Variants in SYNPO2 observed in about 807,000 individuals in gnomAD.
SYNPO2 encodes the protein synaptopodin-2.
Under a neutral mutation model 85.0 loss-of-function variants are expected in SYNPO2, and 56 were observed. The observed-to-expected ratio is 0.66, with a 90% CI of 0.53 to 0.82. The LOEUF (loss-of-function observed/expected upper bound fraction) is 0.82, where lower values mean the gene tolerates loss of function less well. SYNPO2 is among the 40% of genes least tolerant of loss of function. SYNPO2 has a pLI of 0.00. For synonymous variants in SYNPO2, 602 were observed against 591.1 expected, an observed-to-expected ratio of 1.02 and a Z score of -0.27; for missense variants, 1,575 against 1,534.2, an observed-to-expected ratio of 1.03 and a Z score of -0.44.
intron 1 of SYNPO2, among the ~76,000 whole-genome samples, chr4:118,948,396 A>G (rs1051323845): frequency 1.6e-4 from 25 of 152,228 alleles, no homozygotes; most frequent in Admixed American, 7.8e-4. Context: ...TGTAGTGTGA[A>G]AGAATCAATG....
At position 119,007,262 on chromosome 4, in the gene SYNPO2, A is replaced by ATATG. The variant is rs1553945969; in HGVS notation, c.106-16165_106-16164insGTAT. On this transcript the variant is annotated intron_variant, in intron 1 of 4. Coordinates refer to ENST00000307142, the MANE Select transcript of SYNPO2 (RefSeq NM_133477.3). ...TATATATATGTATATACATATATATATATATATATATATGTATATACATAT... is the reference window on the plus strand; with the variant it reads ...TATATATATGTATATACATATATATATATGTATATATATATATGTATATACATAT... 2.0e-4 allele frequency among the ~76,000 whole-genome samples: 15 copies of ATATG among 73,622 alleles called. No homozygotes were observed. In the East Asian group the frequency reaches 5.5e-3, roughly 27 times the overall value. 48.3% of individuals were successfully genotyped at this position (73,622 alleles called of 152,430 possible).
chr4:118,917,308 T>C (rs1733372710), intron 1 of SYNPO2, among the ~76,000 whole-genome samples: 1 of 152,096 alleles, frequency 6.6e-6, no homozygotes, highest in Non-Finnish European at 1.5e-5. Flanking sequence ...GGAGAATCGC[T>C]TGAACCCAGG....
At chr4:118,961,841 C>A (rs906451986) in intron 1 of SYNPO2, among the ~76,000 whole-genome samples, 10 of 152,126 alleles carry the variant, frequency 6.6e-5, no homozygotes, top group African/African-American at 2.4e-4. Context: ...CAATGTATCA[C>A]CAGGAAGGCA....
At chr4:119,037,103 C>T in intron 4 of SYNPO2, 2 of 1,536,140 alleles carry the variant, frequency 1.3e-6, no homozygotes, top group Non-Finnish European at 1.8e-6. Flanking sequence ...TATGTGTGCT[C>T]TGTGACAGGT....
At chr4:118,968,935 T>C (rs1265639705) in intron 1 of SYNPO2, among the ~76,000 whole-genome samples, 1 of 152,188 alleles carries the variant, frequency 6.6e-6, no homozygotes, top group Non-Finnish European at 1.5e-5. Flanking sequence ...CTAAGTATTA[T>C]GAAATATAGC....
intron 1 of SYNPO2, among the ~76,000 whole-genome samples, chr4:119,007,402 A>C (rs1196367621): frequency 1.3e-5 from 2 of 148,588 alleles, no homozygotes; most frequent in Non-Finnish European, 3.0e-5. Flanking sequence ...AAACAAAAAC[A>C]AAAAACAAAC....
At chr4:118,939,098 C>T (rs952297507) in intron 1 of SYNPO2, among the ~76,000 whole-genome samples, 3 of 151,966 alleles carry the variant, frequency 2.0e-5, no homozygotes, top group East Asian at 1.9e-4. Flanking sequence ...AATGAGGCAC[C>T]GAATTTAAAA....
chr4:118,862,120 A>T (rs1731621765), intron 1 of SYNPO2, among the ~76,000 whole-genome samples: 1 of 151,968 alleles, frequency 6.6e-6, no homozygotes, highest in East Asian at 1.9e-4. Context: ...TATTTTCTTG[A>T]TTTCTTTTTC....
chr4:118,961,108 C>CCG (rs1735071856), intron 1 of SYNPO2, among the ~76,000 whole-genome samples: 2 of 120,340 alleles, frequency 1.7e-5, no homozygotes, highest in South Asian at 6.9e-4. Context: ...CGCCCCCCCC[C>CCG]CACCCCTCCA....
upstream of SYNPO2, among the ~76,000 whole-genome samples, chr4:118,885,971 C>G (rs1732192435): frequency 1.3e-5 from 2 of 152,194 alleles, no homozygotes; most frequent in African/African-American, 4.8e-5. Flanking sequence ...AAGAGAAACA[C>G]TAATACCTAT....
chr4:118,909,781 A>T (rs540467895), intron 1 of SYNPO2, among the ~76,000 whole-genome samples: 20 of 152,310 alleles, frequency 1.3e-4, no homozygotes, highest in Non-Finnish European at 2.8e-4. Context: ...GAGCATTGCC[A>T]TTACACTTAT....
chr4:118,914,312 C>A (rs1403772963), intron 1 of SYNPO2, among the ~76,000 whole-genome samples: 1 of 151,910 alleles, frequency 6.6e-6, no homozygotes, highest in Non-Finnish European at 1.5e-5. Flanking sequence ...ATGGCCAGGG[C>A]TAGAGGAAAT....
At chr4:118,996,190 C>T (rs113416898) in intron 1 of SYNPO2, among the ~76,000 whole-genome samples, 2 of 152,252 alleles carry the variant, frequency 1.3e-5, no homozygotes, top group African/African-American at 4.8e-5. Flanking sequence ...GGTCATTTCA[C>T]GCTTTTGCCT....
chr4:119,002,090 A>G (rs556171062), intron 1 of SYNPO2, among the ~76,000 whole-genome samples: 1 of 152,316 alleles, frequency 6.6e-6, no homozygotes, highest in East Asian at 1.9e-4. Flanking sequence ...GCCAGGTAGT[A>G]TGTTAGGAAT....
intron 1 of SYNPO2, among the ~76,000 whole-genome samples, chr4:118,861,706 T>C (rs1320885959): frequency 1.3e-5 from 2 of 152,224 alleles, no homozygotes; most frequent in African/African-American, 4.8e-5. Flanking sequence ...TGTATGTGTC[T>C]ATTTTTGTGC....
chr4:118,852,163 A>G (rs1731430757), intron 1 of SYNPO2, among the ~76,000 whole-genome samples: 3 of 152,248 alleles, frequency 2.0e-5, no homozygotes, highest in Admixed American at 2.0e-4. Flanking sequence ...AATCAAAACC[A>G]CAATGAGCTG....
chr4:118,969,165 C>A (rs1735432045), intron 1 of SYNPO2, among the ~76,000 whole-genome samples: 2 of 152,126 alleles, frequency 1.3e-5, no homozygotes, highest in African/African-American at 4.8e-5. Flanking sequence ...TGGTGGGTTA[C>A]CACTGTTTTA....
chr4:118,991,983 G>T (rs1736435825), intron 1 of SYNPO2, among the ~76,000 whole-genome samples: 1 of 152,198 alleles, frequency 6.6e-6, no homozygotes, highest in East Asian at 1.9e-4. Flanking sequence ...AGAGTGAACA[G>T]CATGTGCAAA....
chr4:118,946,396 C>T (rs1210142980), intron 1 of SYNPO2, among the ~76,000 whole-genome samples: 1 of 151,244 alleles, frequency 6.6e-6, no homozygotes, highest in African/African-American at 2.4e-5. Flanking sequence ...TTGTGACCTC[C>T]CATACTATTT....
Sources: gnomAD v4.1 joint callset for allele counts (sites outside exome capture counted in the v4.1 genomes callset) on GRCh38, gnomAD v4.1.1 for gene constraint, MANE v1.5 for transcripts, NCBI Gene and HGNC (gene_info 2026-07-23, HGNC 2026-07-21) for gene names.